The following GPC6 variants were observed in gnomAD, a reference collection of about 807,000 sequenced individuals.
GPC6 encodes the protein glypican-6.
In GPC6, 14 loss-of-function variants were observed where a neutral mutation model predicts 55.2. That is an observed-to-expected ratio of 0.25 (90% CI 0.17 to 0.40). GPC6 has a LOEUF of 0.40. GPC6 is among the 10% of genes least tolerant of loss of function. The pLI, the probability that GPC6 is intolerant of heterozygous loss-of-function variation, is 1.00. For missense variants in GPC6, 641 were observed against 708.5 expected (o/e 0.90, Z 1.08); for synonymous variants, 278 against 259.6 (o/e 1.07, Z -0.68).
intron 2 of GPC6, among the ~76,000 whole-genome samples, chr13:93,803,717 G>A (rs1208407474): frequency 6.6e-6 from 1 of 152,198 alleles, no homozygotes; most frequent in Non-Finnish European, 1.5e-5. Flanking sequence ...CTAAATATAT[G>A]TGGAGTAACC....
the GPC6 span, among the ~76,000 whole-genome samples, chr13:93,217,021 A>G: frequency 2.6e-5 from 4 of 152,180 alleles, no homozygotes; most frequent in Non-Finnish European, 1.5e-5. Flanking sequence ...GTAAATTTGA[A>G]GAACATGCTT....
At chr13:93,864,698 C>T (rs1221193531) in intron 3 of GPC6, among the ~76,000 whole-genome samples, 2 of 151,702 alleles carry the variant, frequency 1.3e-5, no homozygotes, top group Non-Finnish European at 2.9e-5. Context: ...TAGTATCATT[C>T]TAGTTTTACA....
chr13:93,473,140 G>A (rs1879183299), intron 1 of GPC6, among the ~76,000 whole-genome samples: 1 of 152,182 alleles, frequency 6.6e-6, no homozygotes, highest in South Asian at 2.1e-4. Context: ...AGTGGGACTG[G>A]CAGCCTGGCC....
intron 1 of GPC6, among the ~76,000 whole-genome samples, chr13:93,342,647 C>T (rs945926871): frequency 6.6e-6 from 1 of 151,988 alleles, no homozygotes; most frequent in Non-Finnish European, 1.5e-5. Flanking sequence ...AGGAGAGAAA[C>T]GATGGTGGGT....
rs1046446626 is a variant in GPC6, at chr13:94,127,166, A to G, written c.877+99272A>G. 3.9e-5 allele frequency among the ~76,000 whole-genome samples: 6 copies of G among 152,116 alleles called. No homozygotes were observed. The South Asian group carries it at 6.2e-4, about 16-fold the overall frequency. On this transcript the variant is annotated intron_variant, in intron 4 of 8. Coordinates refer to ENST00000377047, the MANE Select transcript of GPC6 (RefSeq NM_005708.5). Reference sequence around the variant, plus strand: ...TCACCCTGTATTGTTCACTCTTAAGAGTGGTTTGAACCTATGAAGGAGAGT... The same window carrying G: ...TCACCCTGTATTGTTCACTCTTAAGGGTGGTTTGAACCTATGAAGGAGAGT...
At chr13:94,298,012 C>T (rs57202398) in intron 5 of GPC6, among the ~76,000 whole-genome samples, 6,930 of 151,808 alleles carry the variant, frequency 0.046, 196 homozygotes, top group Middle Eastern at 0.088. Flanking sequence ...TGTTAGAAGG[C>T]AACCCGTAAA....
chr13:93,688,185 T>C (rs888785453), intron 2 of GPC6, among the ~76,000 whole-genome samples: 4 of 152,050 alleles, frequency 2.6e-5, no homozygotes, highest in Non-Finnish European at 5.9e-5. Flanking sequence ...AGAGAGGATG[T>C]ATAAGATAGA....
intron 4 of GPC6, among the ~76,000 whole-genome samples, chr13:94,096,582 G>A (rs1300230583): frequency 6.6e-6 from 1 of 152,092 alleles, no homozygotes; most frequent in Non-Finnish European, 1.5e-5. Flanking sequence ...ACTGAGAGGA[G>A]GAGTAACTTG....
At chr13:93,940,066 G>T (rs1878655996) in intron 3 of GPC6, among the ~76,000 whole-genome samples, 1 of 151,958 alleles carries the variant, frequency 6.6e-6, no homozygotes, top group Admixed American at 6.6e-5. Context: ...CTTATTCTGA[G>T]CTCCCAAAGC....
intron 1 of GPC6, among the ~76,000 whole-genome samples, chr13:93,420,761 G>C (rs934006431): frequency 6.6e-6 from 1 of 152,138 alleles, no homozygotes; most frequent in East Asian, 1.9e-4. Context: ...AAATTCACTG[G>C]AGTCCCACCA....
chr13:94,310,174 C>T (rs891751293), intron 6 of GPC6, among the ~76,000 whole-genome samples: 12 of 152,228 alleles, frequency 7.9e-5, no homozygotes, highest in Admixed American at 7.2e-4. Flanking sequence ...AGCTCACAGA[C>T]GCACTTGGAC....
At chr13:93,351,649 A>G (rs1880636547) in intron 1 of GPC6, among the ~76,000 whole-genome samples, 1 of 152,196 alleles carries the variant, frequency 6.6e-6, no homozygotes, top group South Asian at 2.1e-4. Flanking sequence ...TGCTAATTAC[A>G]CTGATCTGAT....
rs149501724 is a variant in GPC6 at position 93,527,205 on chromosome 13, A to G, written c.161-18058A>G. On this transcript the variant is annotated intron_variant, in intron 1 of 8. Transcript: ENST00000377047. The stretch of plus-strand genomic sequence containing the variant: ...AATTAACATATCCATCACCTACCAT[A>G]GTTACCTTTTGTGTGTGTGTGGTAA... Among the ~76,000 whole-genome samples the G allele has an allele frequency of 4.0e-3, 606 of 152,196 alleles. 3 individuals carry two copies. The highest frequency in any genetic ancestry group is 6.2e-3 in the Non-Finnish European group (419 of 67,972).
In GPC6 at chr13:94,396,769, G is replaced by A. The variant is rs539448666; in HGVS notation, c.1290-1697G>A. 2.0e-5 allele frequency among the ~76,000 whole-genome samples: 3 copies of A among 152,306 alleles called. No homozygotes were observed. The East Asian group carries it at 5.8e-4, about 29-fold the overall frequency. The stretch of plus-strand genomic sequence containing the variant: ...AGAGTATGAGAAATTAGAAGTGGGT[G>A]GAGACCCTTTGATTGCTGAGCTATA... On this transcript the variant is annotated intron_variant, in intron 7 of 8. Coordinates refer to ENST00000377047, the MANE Select transcript of GPC6 (RefSeq NM_005708.5).
intron 1 of GPC6, among the ~76,000 whole-genome samples, chr13:93,243,334 G>A (rs1876498274): frequency 6.6e-6 from 1 of 152,128 alleles, no homozygotes; most frequent in Non-Finnish European, 1.5e-5. Flanking sequence ...TTAGGCTATG[G>A]TTATTCACAT....
intron 6 of GPC6, among the ~76,000 whole-genome samples, chr13:94,345,505 A>C (rs1878241824): frequency 6.6e-6 from 1 of 152,228 alleles, no homozygotes; most frequent in Non-Finnish European, 1.5e-5. Flanking sequence ...AGGGCTCCTC[A>C]GATCTAAGAA....
chr13:93,556,683 C>T (rs887278007), intron 2 of GPC6, among the ~76,000 whole-genome samples: 5 of 151,962 alleles, frequency 3.3e-5, no homozygotes, highest in African/African-American at 1.2e-4. Flanking sequence ...AGCCCCACCT[C>T]TCCACCACTC....
At chr13:93,733,117 C>G (rs1883886719) in intron 2 of GPC6, among the ~76,000 whole-genome samples, 1 of 151,986 alleles carries the variant, frequency 6.6e-6, no homozygotes, top group African/African-American at 2.4e-5. Flanking sequence ...TTGGAAATTT[C>G]AGGACTATAC....
chr13:93,460,645 TTAA>T (rs924750349), intron 1 of GPC6, among the ~76,000 whole-genome samples: 12 of 152,286 alleles, frequency 7.9e-5, no homozygotes, highest in African/African-American at 2.9e-4. Flanking sequence ...AATGAAAATA[TTAA>T]TAATTATCTA....
Sources: allele counts gnomAD v4.1 joint callset (sites outside exome capture counted in the v4.1 genomes callset), GRCh38; gene constraint gnomAD v4.1.1; transcripts MANE v1.5; gene names NCBI Gene and HGNC (gene_info 2026-07-23, HGNC 2026-07-21).